ADGRV1: variants seen among roughly 807,000 people sequenced by gnomAD.
ADGRV1 encodes G-protein coupled receptor 98.
In ADGRV1, 359 loss-of-function variants were observed where a neutral mutation model predicts 596.2. The ratio of observed to expected loss-of-function variants is 0.60; its 90% CI spans 0.55 to 0.66. ADGRV1 has a LOEUF of 0.66. Among genes scored for constraint, ADGRV1 ranks in the 30% least tolerant of loss-of-function variants. The pLI is 0.00. For missense variants in ADGRV1, 7,274 were observed against 7,575.6 expected (o/e 0.96, Z 1.48); for synonymous variants, 2,681 against 2,679.2 (o/e 1.00, Z -0.02).
chr5:90,937,609 C>T (rs1402688390), intron 83 of ADGRV1, among the ~76,000 whole-genome samples: 6 of 152,150 alleles, frequency 3.9e-5, no homozygotes, highest in Non-Finnish European at 5.9e-5. Context: ...AGGCACCCAC[C>T]ACCACGCCCA....
At chr5:90,891,521 AT>A (rs1441899845) in intron 83 of ADGRV1, among the ~76,000 whole-genome samples, 1 of 151,866 alleles carries the variant, frequency 6.6e-6, no homozygotes, top group Non-Finnish European at 1.5e-5. Flanking sequence ...CATGAAAAAT[AT>A]ATTTGGAGCA....
chr5:91,151,440 C>A (rs898752980), intron 88 of ADGRV1, among the ~76,000 whole-genome samples: 3 of 152,072 alleles, frequency 2.0e-5, no homozygotes, highest in African/African-American at 7.2e-5. Flanking sequence ...TGAATAAGTT[C>A]AAGTACAGTC....
chr5:90,910,383 C>T (rs1772752314), intron 83 of ADGRV1, among the ~76,000 whole-genome samples: 1 of 152,222 alleles, frequency 6.6e-6, no homozygotes, highest in African/African-American at 2.4e-5. Context: ...GACAAAGAAC[C>T]TCACCCTAAG....
intron 60 of ADGRV1, among the ~76,000 whole-genome samples, chr5:90,775,592 T>A (rs1053780767): frequency 2.6e-5 from 4 of 152,158 alleles, no homozygotes; most frequent in Non-Finnish European, 4.4e-5. Context: ...ACCTCCCACC[T>A]CAGCCTCCTG....
Position 90,728,721 on chromosome 5 carries a change from G to A in ADGRV1, c.10214G>A (p.Arg3405Gln), listed in dbSNP as rs727504728. Residue 3405 changes from arginine to glutamine, a missense_variant, in exon 49 of 90, where the codon CGA becomes CAA. Physicochemically the swap from Arg to Gln is conservative, Grantham distance 43. Around this residue, in one of 5 missense-constraint regions of ADGRV1, gnomAD observed 3,643 missense variants for 3,809.2 expected, o/e 0.96. Coordinates refer to ENST00000405460, the MANE Select transcript of ADGRV1 (RefSeq NM_032119.4). ...GTGTTGCATCAAAAACTCCCTGTCC[G>A]AGGTGTGCTGACCGTGGCCTTGTTC... ...SFVLHQKLPV[R>Q]GVLTVALFNK... 5 of 1,613,796 alleles carry A rather than the reference G, an allele frequency of 3.1e-6. No individual in the cohort carries two copies. Among genetic ancestry groups the A allele is most frequent in the Middle Eastern group, 3.3e-4 (2 of 6,058 alleles).
intron 52 of ADGRV1, among the ~76,000 whole-genome samples, chr5:90,747,192 C>T (rs1439375182): frequency 6.6e-6 from 1 of 152,074 alleles, no homozygotes; most frequent in Non-Finnish European, 1.5e-5. Flanking sequence ...GGGGTAGGAA[C>T]ATTTAAAGCA....
chr5:90,680,065 G>A (rs1262257075), intron 26 of ADGRV1, among the ~76,000 whole-genome samples: 1 of 152,110 alleles, frequency 6.6e-6, no homozygotes. Context: ...ATCCTTATAT[G>A]TAAAATGTAA....
In ADGRV1 at chr5:91,163,193, G is replaced by A. The variant is rs76811408; in HGVS notation, c.18803-589G>A. Among the ~76,000 whole-genome samples, 686 of 152,310 alleles carry A rather than the reference G, an allele frequency of 4.5e-3. 45 individuals are homozygous for A. In the East Asian group the frequency reaches 0.11, roughly 25 times the overall value. On this transcript the variant is annotated intron_variant, in intron 89 of 89. Transcript: ENST00000405460. ...CTGTCAGTAGTTAACAGTAACTACT[G>A]TGGTGGAATTCCTGTGTGGATCTAT...
chr5:90,720,348 CTA>C (rs1750752950), intron 44 of ADGRV1, 125 bp downstream of exon 44: 1 of 672,930 alleles, frequency 1.5e-6, no homozygotes, highest in Non-Finnish European at 2.4e-6. Flanking sequence ...AAAATGAACT[CTA>C]GAAAAGATAG....
chr5:90,866,441 C>T (rs1272806055), intron 83 of ADGRV1, among the ~76,000 whole-genome samples: 1 of 151,702 alleles, frequency 6.6e-6, no homozygotes, highest in Non-Finnish European at 1.5e-5. Context: ...CATTATAGCA[C>T]CCTTGAGAAT....
In ADGRV1 at chr5:90,643,839, G is replaced by A. The variant is rs572283380; in HGVS notation, c.2590G>A (p.Gly864Arg). Reference sequence around the variant, plus strand: ...CTACTGGGTGGTCCTCAGCAGCCACGGAGAACGGGAAAGCAAGTTGGGAAG... The same window carrying A: ...CTACTGGGTGGTCCTCAGCAGCCACAGAGAACGGGAAAGCAAGTTGGGAAG... Reference protein sequence around the residue: ...EHYWVVLSSHGERESKLGSAT... With the variant: ...EHYWVVLSSHRERESKLGSAT... The change falls in exon 14 of 90, where the codon GGA becomes AGA. Residue 864 changes from glycine (G) to arginine (R), a missense_variant. Physicochemically the swap from Gly to Arg is moderately radical, Grantham distance 125 (BLOSUM62 -2). Transcript: ENST00000405460. 3.5e-5 allele frequency: 56 copies of A among 1,610,286 alleles called. No homozygotes were observed. Among genetic ancestry groups the A allele is most frequent in the South Asian group, 6.6e-5 (6 of 90,444 alleles).
At chr5:91,012,869 T>TCCTCCCA (rs941312577) in intron 85 of ADGRV1, among the ~76,000 whole-genome samples, 1 of 151,962 alleles carries the variant, frequency 6.6e-6, no homozygotes, top group Admixed American at 6.6e-5. Flanking sequence ...TTCCTCTCCC[T>TCCTCCCA]CCTCCCACCT....
chr5:90,872,881 A>G (rs545513458), intron 83 of ADGRV1, among the ~76,000 whole-genome samples: 331 of 152,326 alleles, frequency 2.2e-3, no homozygotes, highest in African/African-American at 7.7e-3. Context: ...CTCTGTTACT[A>G]TAGTAAGCAT....
At chr5:90,822,281 C>G (rs900127993) in intron 75 of ADGRV1, 1 of 154,100 alleles carries the variant, frequency 6.5e-6, no homozygotes, top group Non-Finnish European at 1.4e-5. Flanking sequence ...GGCTCGCGCA[C>G]GGTGCACACA....
intron 33 of ADGRV1, among the ~76,000 whole-genome samples, chr5:90,695,139 G>A (rs1407974432): frequency 2.0e-5 from 3 of 152,072 alleles, no homozygotes; most frequent in African/African-American, 7.2e-5. Context: ...GACAAATCAG[G>A]AAATATCATC....
At chr5:90,933,436 A>T (rs1224254732) in intron 83 of ADGRV1, among the ~76,000 whole-genome samples, 1 of 152,182 alleles carries the variant, frequency 6.6e-6, no homozygotes, top group Admixed American at 6.5e-5. Context: ...CATTCCAGAT[A>T]AAAGGGCAAA....
chr5:90,745,331 C>A, intron 51 of ADGRV1, 66 bp downstream of exon 51: 1 of 1,053,280 alleles, frequency 9.5e-7, no homozygotes, highest in South Asian at 1.7e-5. Flanking sequence ...AGCTCATTTC[C>A]AAGTCATTAT....
chr5:90,891,188 T>C (rs1248881020), intron 83 of ADGRV1, among the ~76,000 whole-genome samples: 3 of 148,014 alleles, frequency 2.0e-5, no homozygotes, highest in Admixed American at 1.4e-4. Context: ...ATATATATTA[T>C]TTATATATAT....
At chr5:91,015,741 T>C (rs1783121182) in intron 85 of ADGRV1, among the ~76,000 whole-genome samples, 1 of 152,098 alleles carries the variant, frequency 6.6e-6, no homozygotes, top group Non-Finnish European at 1.5e-5. Context: ...TGGTAGATTT[T>C]CTTCCATCTC....
Sources: allele counts gnomAD v4.1 joint callset (sites outside exome capture counted in the v4.1 genomes callset), GRCh38; gene constraint gnomAD v4.1.1; regional missense constraint gnomAD v4.1.1; transcripts MANE v1.5; gene names NCBI Gene and HGNC (gene_info 2026-07-23, HGNC 2026-07-21).